The following C6 variants were observed in gnomAD, a reference collection of about 807,000 sequenced individuals.
C6 encodes complement C6.
A neutral mutation model predicts 112.9 loss-of-function variants in C6; 101 were observed. That is an observed-to-expected ratio of 0.89 (90% CI 0.76 to 1.06). C6 has a LOEUF of 1.06. C6 is among the 50% of genes least tolerant of loss of function. The probability of loss-of-function intolerance (pLI) is 0.00; values close to 1 mark genes in which losing one functional copy is unlikely to be tolerated. For synonymous variants in C6, 431 were observed against 384.1 expected, an observed-to-expected ratio of 1.12 and a Z score of -1.43; for missense variants, 1,202 against 1,104.6, an observed-to-expected ratio of 1.09 and a Z score of -1.25.
intron 1 of C6, among the ~76,000 whole-genome samples, chr5:41,229,838 A>G (rs1393640641): frequency 6.6e-6 from 1 of 152,068 alleles, no homozygotes; most frequent in East Asian, 1.9e-4. Context: ...TATTTGCTTG[A>G]TATATTTTGG....
chr5:41,161,714 A>G lies in C6; in HGVS notation c.1437T>C (p.Asn479=). 1.9e-6 allele frequency: 3 copies of G among 1,613,536 alleles called. No individual in the cohort carries two copies. Among genetic ancestry groups the G allele is most frequent in the Non-Finnish European group, 2.5e-6 (3 of 1,179,608 alleles). The change falls in exon 10 of 18, where the codon AAT becomes AAC. Residue 479 remains asparagine (N), a synonymous_variant. Transcript: ENST00000337836. ...TTACCTCAAAGTCAATCACAGCAGG[A>G]TTTTCCTTCACTGATTCTAACCACT... ...FSEWLESVKE[N]PAVIDFELAP...
chr5:41,142,792 C>T lies in C6; in HGVS notation c.*33G>A, dbSNP rs774461107. The T allele has an allele frequency of 1.3e-6, 2 of 1,549,786 alleles. No homozygotes were observed. The highest frequency in any genetic ancestry group is 1.8e-6 in the Non-Finnish European group (2 of 1,121,916). On this transcript the variant is annotated 3_prime_UTR_variant, in exon 18 of 18. Coordinates refer to ENST00000337836, the MANE Select transcript of C6 (RefSeq NM_000065.5). ...GAGTTGGTTCTTCGGGATGGTAAATCTGTTCATTGTGCTGGGCCTAGCAGT... is the reference window on the plus strand; with the variant it reads ...GAGTTGGTTCTTCGGGATGGTAAATTTGTTCATTGTGCTGGGCCTAGCAGT...
intron 1 of C6, among the ~76,000 whole-genome samples, chr5:41,235,001 G>C (rs1740168116): frequency 6.7e-6 from 1 of 149,690 alleles, no homozygotes; most frequent in African/African-American, 2.5e-5. Context: ...TGGAAAGCAA[G>C]TTAGCAGCCA....
At chr5:41,146,567 C>A (rs1745846700) in intron 17 of C6, among the ~76,000 whole-genome samples, 1 of 152,036 alleles carries the variant, frequency 6.6e-6, no homozygotes, top group South Asian at 2.1e-4. Context: ...CTTTTGCTCA[C>A]CAATTAAAGA....
chr5:41,240,622 C>A (rs1476870206), intron 1 of C6, among the ~76,000 whole-genome samples: 1 of 152,176 alleles, frequency 6.6e-6, no homozygotes, highest in Non-Finnish European at 1.5e-5. Flanking sequence ...CATCTTCAGG[C>A]CCCTGGGAGG....
rs1354578805 is a variant in C6, at chr5:41,160,332, G to A, written c.1494C>T (p.Pro498=). 1 of 1,613,784 alleles carries A rather than the reference G, an allele frequency of 6.2e-7. No individual in the cohort carries two copies. The highest frequency in any genetic ancestry group is 8.5e-7 in the Non-Finnish European group (1 of 1,179,798). The change falls in exon 11 of 18, where the codon CCC becomes CCT. Residue 498 remains proline, a synonymous_variant. Transcript: ENST00000337836. Reference sequence around the variant, plus strand: ...GGTTGTTCCGTTTTGTCACTGCACAGGGGATGTTTCTTACCAAGTCCACGA... The same window carrying A: ...GGTTGTTCCGTTTTGTCACTGCACAAGGGATGTTTCTTACCAAGTCCACGA... ...APIVDLVRNI[P]CAVTKRNNLR... is the part of the protein sequence containing the mutation.
chr5:41,258,144 G>A (rs993198908), intron 1 of C6, among the ~76,000 whole-genome samples: 8 of 151,926 alleles, frequency 5.3e-5, no homozygotes, highest in Admixed American at 2.6e-4. Context: ...CATAGTCTTG[G>A]TATTATCTAA....
intron 11 of C6, 34 bp downstream of exon 11, chr5:41,160,108 C>T (rs1247438025): frequency 6.5e-7 from 1 of 1,547,812 alleles, no homozygotes; most frequent in Non-Finnish European, 8.9e-7. Flanking sequence ...GAGGGGAAAA[C>T]TTATCTACCT....
intron 1 of C6, among the ~76,000 whole-genome samples, chr5:41,242,343 G>A (rs1023223294): frequency 1.6e-4 from 24 of 152,096 alleles, no homozygotes; most frequent in Non-Finnish European, 3.4e-4. Context: ...ACTCCATCCT[G>A]CTGTCCTGTG....
intron 11 of C6, 110 bp downstream of exon 11, chr5:41,160,032 T>C (rs1009944282): frequency 2.8e-5 from 24 of 842,974 alleles, no homozygotes; most frequent in South Asian, 2.0e-4. Context: ...TCTGAGCCTG[T>C]ACAAGGTGGA....
chr5:41,151,273 G>A lies in C6; in HGVS notation c.2291-1248C>T, dbSNP rs1746367445. The stretch of plus-strand genomic sequence containing the variant: ...AATTTGGACCAAGGTTCCAGAGGTG[G>A]AAATGGAGAAAAGTGGATAAACTTG... On this transcript the variant is annotated intron_variant, in intron 15 of 17. Coordinates refer to ENST00000337836, the MANE Select transcript of C6 (RefSeq NM_000065.5). 2.0e-5 allele frequency among the ~76,000 whole-genome samples: 3 copies of A among 152,286 alleles called. No homozygotes were observed. In the South Asian group the frequency reaches 6.2e-4, roughly 32 times the overall value.
Position 41,161,712 on chromosome 5 carries a change from G to C in C6, c.1439C>G (p.Pro480Arg). Residue 480 changes from proline (P) to arginine (R), a missense_variant, in exon 10 of 18, where the codon CCT becomes CGT. Transcript: ENST00000337836. Reference sequence around the variant, plus strand: ...TCTTACCTCAAAGTCAATCACAGCAGGATTTTCCTTCACTGATTCTAACCA... The same window carrying C: ...TCTTACCTCAAAGTCAATCACAGCACGATTTTCCTTCACTGATTCTAACCA... ...SEWLESVKEN[P>R]AVIDFELAPI... 6.2e-7 allele frequency: 1 copy of C among 1,613,460 alleles called. No individual in the cohort carries two copies. Among genetic ancestry groups the C allele is most frequent in the Non-Finnish European group, 8.5e-7 (1 of 1,179,536 alleles).
At chr5:41,173,856 C>A (rs1180516439) in intron 8 of C6, among the ~76,000 whole-genome samples, 6 of 152,092 alleles carry the variant, frequency 3.9e-5, no homozygotes, top group African/African-American at 2.4e-5. Context: ...GCTTAGTTTG[C>A]ATATTCAACC....
chr5:41,143,407 C>T (rs1469769171), intron 17 of C6, among the ~76,000 whole-genome samples: 2 of 152,178 alleles, frequency 1.3e-5, no homozygotes, highest in East Asian at 1.9e-4. Flanking sequence ...GGCACTAGTC[C>T]TATCAATCCA....
chr5:41,159,179 G>A lies in C6; in HGVS notation c.1759C>T (p.Arg587Ter), dbSNP rs776817489. Reference sequence around the variant, plus strand: ...TGGGGGGCAGGATTATTGCATTCTCGGGTTCTCGATCTCTTATAAGTAGCA... The same window carrying A: ...TGGGGGGCAGGATTATTGCATTCTCAGGTTCTCGATCTCTTATAAGTAGCA... ...CDATYKRSRT[R>*]ECNNPAPQRG... The change falls in exon 12 of 18, where the codon CGA becomes TGA. Residue 587 changes from arginine (R) to a stop codon, truncating the protein, a stop_gained. Coordinates refer to ENST00000337836, the MANE Select transcript of C6 (RefSeq NM_000065.5). LOFTEE classifies it high-confidence loss of function. 9.9e-6 allele frequency: 16 copies of A among 1,613,294 alleles called. No individual in the cohort carries two copies. The highest frequency in any genetic ancestry group is 8.9e-5 in the East Asian group (4 of 44,852).
chr5:41,220,994 T>G (rs1401940369), intron 1 of C6, among the ~76,000 whole-genome samples: 2 of 151,134 alleles, frequency 1.3e-5, no homozygotes, highest in Non-Finnish European at 2.9e-5. Flanking sequence ...TAATATTTCA[T>G]TAAAATGTTA....
chr5:41,149,680 G>A (rs1746195016), intron 16 of C6, among the ~76,000 whole-genome samples, 198 bp from the exon 17 acceptor site: 1 of 152,152 alleles, frequency 6.6e-6, no homozygotes, highest in African/African-American at 2.4e-5. Context: ...ATGTGCAGAA[G>A]TTAAGTCTTT....
intron 1 of C6, among the ~76,000 whole-genome samples, chr5:41,205,654 G>C (rs961364727): frequency 6.6e-6 from 1 of 152,214 alleles, no homozygotes; most frequent in African/African-American, 2.4e-5. Flanking sequence ...AAACTGCAAG[G>C]CACAGGGAGG....
At chr5:41,155,485 C>T (rs563353343) in intron 13 of C6, among the ~76,000 whole-genome samples, 5 of 152,006 alleles carry the variant, frequency 3.3e-5, no homozygotes, top group African/African-American at 4.8e-5. Context: ...TTCAGGAGTT[C>T]GAGACCAGCT....
Sources: allele counts gnomAD v4.1 joint callset (sites outside exome capture counted in the v4.1 genomes callset), GRCh38; gene constraint gnomAD v4.1.1; transcripts MANE v1.5; gene names NCBI Gene and HGNC (gene_info 2026-07-23, HGNC 2026-07-21).